Variants in PCDHA2 observed in about 807,000 individuals in gnomAD.
PCDHA2 encodes the protein protocadherin alpha-2.
A neutral mutation model predicts 66.0 loss-of-function variants in PCDHA2; 58 were observed. That is an observed-to-expected ratio of 0.88 (90% CI 0.71 to 1.09). The LOEUF is 1.09. PCDHA2 is among the 50% of genes least tolerant of loss of function. The probability of loss-of-function intolerance (pLI) is 0.00; values close to 1 mark genes in which losing one functional copy is unlikely to be tolerated. For missense variants in PCDHA2, 1,267 were observed against 1,242.3 expected, an observed-to-expected ratio of 1.02 and a Z score of -0.30; for synonymous variants, 634 against 554.0, an observed-to-expected ratio of 1.14 and a Z score of -2.03.
chr5:140,872,662 A>G (rs1554166315), intron 1 of PCDHA2, among the ~76,000 whole-genome samples: 2 of 152,132 alleles, frequency 1.3e-5, no homozygotes, highest in Admixed American at 1.3e-4. Context: ...TTTGTCAACT[A>G]TTGGATACTC....
intron 1 of PCDHA2, among the ~76,000 whole-genome samples, chr5:140,939,959 G>A (rs1272327380): frequency 6.6e-6 from 1 of 152,150 alleles, no homozygotes; most frequent in Non-Finnish European, 1.5e-5. Flanking sequence ...TTATGTTAAA[G>A]TGTTCCACGA....
rs782466455 is a variant in PCDHA2, at chr5:140,801,849, G to A, written c.2388+4497G>A. ...TTTACTAATAACAGCAATTGATGGTGGGAAACCAGAGCTCACTGGCACGAC... is the reference window on the plus strand; with the variant it reads ...TTTACTAATAACAGCAATTGATGGTAGGAAACCAGAGCTCACTGGCACGAC... On this transcript the variant is annotated intron_variant, in intron 1 of 3. Transcript: ENST00000526136. 2.5e-6 allele frequency: 4 copies of A among 1,614,054 alleles called. No homozygotes were observed. Among genetic ancestry groups the A allele is most frequent in the Middle Eastern group, 1.6e-4 (1 of 6,062 alleles).
intron 1 of PCDHA2, among the ~76,000 whole-genome samples, chr5:140,819,465 G>A (rs930303928): frequency 6.6e-6 from 1 of 152,082 alleles, no homozygotes; most frequent in Admixed American, 6.5e-5. Context: ...AAGAACTTCT[G>A]TTTACACAAT....
chr5:140,838,904 T>C (rs1357906412), intron 1 of PCDHA2, among the ~76,000 whole-genome samples: 2 of 151,878 alleles, frequency 1.3e-5, no homozygotes, highest in Non-Finnish European at 2.9e-5. Flanking sequence ...GACAGAGCAA[T>C]ACCTTGCCTC....
intron 1 of PCDHA2, chr5:140,836,561 G>A (rs1554136082): frequency 1.1e-5 from 18 of 1,613,566 alleles, no homozygotes; most frequent in Admixed American, 1.7e-5. Flanking sequence ...GCTCAGCGCC[G>A]TCCTCTGAGG....
At chr5:140,869,892 A>C in intron 1 of PCDHA2, 2 of 1,610,608 alleles carry the variant, frequency 1.2e-6, no homozygotes, top group Non-Finnish European at 1.7e-6. Context: ...TTGTGCTCAA[A>C]CTAAACGCCA....
rs1291413682 is a variant in PCDHA2, at chr5:140,856,005, C to G, written c.2388+58653C>G. ...GAAAATGTCAGATCGTATGTGCGTT[C>G]TAGACCGCTGATTCGTCGATTTGTA... is the stretch of plus-strand genomic sequence containing the variant. On this transcript the variant is annotated intron_variant, in intron 1 of 3. Coordinates refer to ENST00000526136, the MANE Select transcript of PCDHA2 (RefSeq NM_018905.3). 6.5e-6 allele frequency: 10 copies of G among 1,538,764 alleles called. 3 individuals carry two copies. In the African/African-American group the frequency reaches 1.4e-4, roughly 21 times the overall value.
At chr5:140,840,542 A>G (rs1776756307) in intron 1 of PCDHA2, among the ~76,000 whole-genome samples, 1 of 152,060 alleles carries the variant, frequency 6.6e-6, no homozygotes, top group South Asian at 2.1e-4. Context: ...TAACAAGCCA[A>G]TGATGGCAAT....
At chr5:140,917,259 T>C (rs1246984274) in intron 1 of PCDHA2, among the ~76,000 whole-genome samples, 2 of 151,338 alleles carry the variant, frequency 1.3e-5, no homozygotes, top group East Asian at 3.9e-4. Flanking sequence ...GCTCACCTGA[T>C]GTTTGGTTTT....
intron 1 of PCDHA2, chr5:140,877,261 G>T: frequency 6.2e-7 from 1 of 1,613,814 alleles, no homozygotes; most frequent in South Asian, 1.1e-5. Context: ...AGTGCGCGCG[G>T]TGGACGCTGA....
chr5:140,903,172 C>T (rs2070066511), intron 1 of PCDHA2, among the ~76,000 whole-genome samples: 1 of 152,152 alleles, frequency 6.6e-6, no homozygotes, highest in Non-Finnish European at 1.5e-5. Flanking sequence ...GGTTTACATT[C>T]CCACCAATAG....
chr5:140,854,297 T>C (rs1194574834), intron 1 of PCDHA2: 2 of 419,142 alleles, frequency 4.8e-6, no homozygotes, highest in Non-Finnish European at 6.4e-6. Context: ...TATTATTTTG[T>C]GCGTGGAGAT....
chr5:141,000,417 ATATATTTTTT>A (rs2097924181), intron 3 of PCDHA2, among the ~76,000 whole-genome samples: 1 of 77,748 alleles, frequency 1.3e-5, no homozygotes, highest in Non-Finnish European at 2.3e-5. Context: ...ATATATATAT[ATATATTTTTT>A]TTTTTTTTTT....
At chr5:140,932,114 G>A (rs2088047655) in intron 1 of PCDHA2, among the ~76,000 whole-genome samples, 1 of 151,738 alleles carries the variant, frequency 6.6e-6, no homozygotes. Context: ...ATTTCCAATT[G>A]ATAATATTTA....
rs140124026 is a variant in PCDHA2, at chr5:140,973,683, C to T, written c.2389-5266C>T. On this transcript the variant is annotated intron_variant, in intron 1 of 3. Coordinates refer to ENST00000526136, the MANE Select transcript of PCDHA2 (RefSeq NM_018905.3). ...TTTATTGTAGCTTGAATGTCATTGG[C>T]CTACTGTTTCCTTCTGACCCAGGAG... is the stretch of plus-strand genomic sequence containing the variant. Among the ~76,000 whole-genome samples, 5 of 152,316 alleles carry T rather than the reference C, an allele frequency of 3.3e-5. No homozygotes were observed. The East Asian group carries it at 7.7e-4, about 24-fold the overall frequency.
At chr5:140,923,165 A>G (rs1307354165) in intron 1 of PCDHA2, among the ~76,000 whole-genome samples, 1 of 152,148 alleles carries the variant, frequency 6.6e-6, no homozygotes. Context: ...AGAAAGATAA[A>G]TTTTTGTTCA....
At chr5:140,808,111 T>G (rs1764100877) in intron 1 of PCDHA2, 2 of 1,614,020 alleles carry the variant, frequency 1.2e-6, no homozygotes, top group Admixed American at 1.7e-5. Flanking sequence ...AGGGATATAT[T>G]GACTTTGAAG....
intron 1 of PCDHA2, among the ~76,000 whole-genome samples, chr5:140,890,344 A>T (rs1482265903): frequency 1.3e-5 from 2 of 152,196 alleles, no homozygotes; most frequent in Admixed American, 6.5e-5. Context: ...GGGATGGTTT[A>T]CTATATAGCA....
chr5:140,870,209 C>T (rs1174096449), intron 1 of PCDHA2: 3 of 1,614,176 alleles, frequency 1.9e-6, no homozygotes, highest in East Asian at 4.5e-5. Context: ...ACGGTCATTG[C>T]CCTGATCAGC....
Sources: allele counts gnomAD v4.1 joint callset (sites outside exome capture counted in the v4.1 genomes callset), GRCh38; gene constraint gnomAD v4.1.1; transcripts MANE v1.5; gene names NCBI Gene and HGNC (gene_info 2026-07-23, HGNC 2026-07-21).